The following DYM variants were observed in gnomAD, a reference collection of about 807,000 sequenced individuals.
DYM encodes dyggve-Melchior-Clausen syndrome protein.
Under a neutral mutation model 93.1 loss-of-function variants are expected in DYM, and 78 were observed. That is an observed-to-expected ratio of 0.84 (90% CI 0.70 to 1.01). The LOEUF is 1.01. DYM is among the 50% of genes least tolerant of loss of function. The probability of loss-of-function intolerance (pLI) is 0.00; values close to 1 mark genes in which losing one functional copy is unlikely to be tolerated. For missense variants in DYM, 789 were observed against 845.0 expected (o/e 0.93, Z 0.82); for synonymous variants, 321 against 319.7 (o/e 1.00, Z -0.04).
chr18:49,141,594 C>A (rs1038456826), intron 15 of DYM, among the ~76,000 whole-genome samples: 5 of 152,174 alleles, frequency 3.3e-5, no homozygotes, highest in Non-Finnish European at 5.9e-5. Flanking sequence ...TTTTCTCTGG[C>A]AACTCTTATT....
chr18:49,332,015 A>C lies in DYM; in HGVS notation c.621-9T>G. ...TGCTGGTGTATGGAAGACTATACAA[A>C]AAGGAAAAAAAAATCAAACTCATAT... On this transcript the variant is annotated splice_polypyrimidine_tract_variant and intron_variant, in intron 7 of 17. Transcript: ENST00000675505. 2 of 1,612,486 alleles carry C rather than the reference A, an allele frequency of 1.2e-6. No homozygotes were observed. The highest frequency in any genetic ancestry group is 2.2e-5 in the South Asian group (2 of 91,026).
chr18:49,281,290 C>A (rs1236692157), intron 10 of DYM, among the ~76,000 whole-genome samples: 2 of 152,140 alleles, frequency 1.3e-5, no homozygotes, highest in Admixed American at 6.5e-5. Flanking sequence ...GATCATTAAA[C>A]AGTCAGGAAA....
At chr18:49,438,196 G>T (rs1397717098) in intron 1 of DYM, among the ~76,000 whole-genome samples, 1 of 152,032 alleles carries the variant, frequency 6.6e-6, no homozygotes, top group Non-Finnish European at 1.5e-5. Context: ...CAAAATAACT[G>T]CTCAGTCCAA....
At position 49,433,553 on chromosome 18, in the gene DYM, A is replaced by G. The variant is rs796504011; in HGVS notation, c.-53-3106T>C. On this transcript the variant is annotated intron_variant, in intron 1 of 17. Transcript: ENST00000675505. ...AATAGAAAATATGTAAAGTTAGTAA[A>G]TCAAAAAACAGTAAAAATTTATTAG... Among the ~76,000 whole-genome samples the G allele has an allele frequency of 5.3e-5, 8 of 152,300 alleles. 1 individual carries two copies. Among genetic ancestry groups the G allele is most frequent in the African/African-American group, 1.9e-4 (8 of 41,572 alleles).
chr18:49,451,744 A>G (rs2148702453), intron 1 of DYM, among the ~76,000 whole-genome samples: 1 of 152,368 alleles, frequency 6.6e-6, no homozygotes, highest in East Asian at 1.9e-4. Flanking sequence ...GTCCTATCAT[A>G]ATTTGTTTTT....
intron 13 of DYM, among the ~76,000 whole-genome samples, chr18:49,237,657 C>T (rs1050456597): frequency 6.6e-6 from 1 of 152,016 alleles, no homozygotes; most frequent in Non-Finnish European, 1.5e-5. Flanking sequence ...GATCACTGCC[C>T]CTTTGGTGCT....
At chr18:49,459,918 C>CGT (rs1555764775) in intron 1 of DYM, among the ~76,000 whole-genome samples, 1 of 133,650 alleles carries the variant, frequency 7.5e-6, no homozygotes, top group African/African-American at 2.7e-5. Context: ...TTCTTTGGGG[C>CGT]GGGGGGGGCG....
chr18:49,360,620 C>CAA (rs111418911), intron 6 of DYM, among the ~76,000 whole-genome samples: 5 of 135,614 alleles, frequency 3.7e-5, no homozygotes, highest in African/African-American at 8.2e-5. Context: ...AGATCCATCT[C>CAA]AAAAAAAAAA....
At position 49,043,084 on chromosome 18, in the gene DYM, G is replaced by C. The variant is rs2071049495; in HGVS notation, c.*971C>G. The C allele has an allele frequency of 1.3e-5, 2 of 151,846 alleles. No homozygotes were observed. The highest frequency in any genetic ancestry group is 2.9e-5 in the Non-Finnish European group (2 of 67,978). 9.4% of individuals were successfully genotyped at this position (151,846 alleles called of 1,614,324 possible). ...GTTCACAGGCCATATTCACAGAAAA[G>C]TTAATCTGGGCTTCATGAGAAGTAG... On this transcript the variant is annotated 3_prime_UTR_variant, in exon 18 of 18. Transcript: ENST00000675505.
chr18:49,383,164 A>C (rs924802452), intron 3 of DYM, among the ~76,000 whole-genome samples: 2 of 152,266 alleles, frequency 1.3e-5, no homozygotes, highest in Non-Finnish European at 2.9e-5. Context: ...AAATGTAAAG[A>C]CATAACCAAA....
chr18:49,106,958 G>A (rs1177663188), intron 16 of DYM, among the ~76,000 whole-genome samples: 2 of 152,308 alleles, frequency 1.3e-5, no homozygotes, highest in African/African-American at 2.4e-5. Flanking sequence ...GGCCTGCCTT[G>A]CTAGATTGGG....
intron 15 of DYM, among the ~76,000 whole-genome samples, chr18:49,136,455 G>A (rs1341766154): frequency 1.3e-5 from 2 of 152,044 alleles, no homozygotes; most frequent in African/African-American, 4.8e-5. Context: ...AGTCTGGGGG[G>A]ATAGGACTTA....
chr18:49,412,973 G>C (rs551933148), intron 2 of DYM: 1 of 152,316 alleles, frequency 6.6e-6, no homozygotes, highest in African/African-American at 2.4e-5. Flanking sequence ...TTACCCATCA[G>C]CTTGTGTGAT....
intron 13 of DYM, among the ~76,000 whole-genome samples, chr18:49,238,018 A>C (rs2093924339): frequency 6.6e-6 from 1 of 152,064 alleles, no homozygotes; most frequent in Non-Finnish European, 1.5e-5. Context: ...AAATACTCCC[A>C]AAATAAACTA....
intron 8 of DYM, among the ~76,000 whole-genome samples, chr18:49,315,270 A>G (rs2061854495): frequency 6.6e-6 from 1 of 152,106 alleles, no homozygotes; most frequent in Non-Finnish European, 1.5e-5. Context: ...TTTAACATAC[A>G]TGTTAGGTTC....
intron 1 of DYM, among the ~76,000 whole-genome samples, chr18:49,450,911 T>C (rs2082469905): frequency 6.6e-6 from 1 of 151,250 alleles, no homozygotes; most frequent in African/African-American, 2.4e-5. Context: ...ATTAAGGACT[T>C]TCAACAGGTG....
intron 13 of DYM, among the ~76,000 whole-genome samples, chr18:49,231,255 C>T (rs936231074): frequency 2.6e-5 from 4 of 152,114 alleles, no homozygotes; most frequent in Non-Finnish European, 5.9e-5. Context: ...GAAATGGCAA[C>T]GTGTAAACAG....
intron 3 of DYM, 43 bp downstream of exon 3, chr18:49,391,550 C>G (rs749803326): frequency 6.3e-7 from 1 of 1,589,054 alleles, no homozygotes; most frequent in Non-Finnish European, 8.6e-7. Context: ...AAATCTAAAA[C>G]AAAATTTGAA....
At chr18:49,197,309 C>A (rs2091553732) in intron 14 of DYM, among the ~76,000 whole-genome samples, 1 of 151,836 alleles carries the variant, frequency 6.6e-6, no homozygotes, top group African/African-American at 2.4e-5. Context: ...TAGGAACAAG[C>A]TTTTTAAAAG....
Sources: allele counts gnomAD v4.1 joint callset (sites outside exome capture counted in the v4.1 genomes callset), GRCh38; gene constraint gnomAD v4.1.1; transcripts MANE v1.5; gene names NCBI Gene and HGNC (gene_info 2026-07-23, HGNC 2026-07-21).